Variants in MYT1L observed in about 807,000 individuals in gnomAD.
MYT1L encodes the protein myelin transcription factor 1 like.
MYT1L carries 12 observed loss-of-function variants against 126.7 expected under a neutral mutation model. The ratio of observed to expected loss-of-function variants is 0.09; its 90% CI spans 0.06 to 0.15. MYT1L has a LOEUF of 0.15. Ranked by LOEUF, MYT1L falls within the 10% of genes least tolerant of loss-of-function variation. MYT1L has a pLI of 1.00. For missense variants in MYT1L, 979 were observed against 1,585.2 expected (o/e 0.62, Z 6.49); for synonymous variants, 541 against 604.2 (o/e 0.90, Z 1.53).
At chr2:2,072,577 T>C (rs1423635354) in intron 3 of MYT1L, among the ~76,000 whole-genome samples, 2 of 152,126 alleles carry the variant, frequency 1.3e-5, no homozygotes, top group Non-Finnish European at 2.9e-5. Flanking sequence ...TTTCTCACAG[T>C]TCTGGAGGCT....
intron 3 of MYT1L, among the ~76,000 whole-genome samples, chr2:2,126,528 G>A (rs2081718664): frequency 6.6e-6 from 1 of 152,180 alleles, no homozygotes; most frequent in Non-Finnish European, 1.5e-5. Context: ...CATAGGGTGG[G>A]TAGGGATTGG....
intron 1 of MYT1L, among the ~76,000 whole-genome samples, chr2:2,317,286 G>A (rs563700062): frequency 6.4e-4 from 97 of 152,242 alleles, no homozygotes; most frequent in South Asian, 1.5e-3. Flanking sequence ...CTGCAAAATG[G>A]TGACAAACAA....
At chr2:2,259,787 G>A (rs535793704) in intron 2 of MYT1L, among the ~76,000 whole-genome samples, 1 of 152,294 alleles carries the variant, frequency 6.6e-6, no homozygotes, top group Non-Finnish European at 1.5e-5. Context: ...CTGGGTTGGA[G>A]CCCTGTCAAT....
intron 2 of MYT1L, among the ~76,000 whole-genome samples, chr2:2,175,167 AG>A (rs1182520601): frequency 6.6e-6 from 1 of 152,102 alleles, no homozygotes; most frequent in Non-Finnish European, 1.5e-5. Context: ...TGCTGAAGGA[AG>A]GAAGAACCAA....
chr2:2,223,269 T>TA (rs916285901), intron 2 of MYT1L, among the ~76,000 whole-genome samples: 6 of 152,210 alleles, frequency 3.9e-5, no homozygotes, highest in African/African-American at 7.2e-5. Context: ...TATTAGAATA[T>TA]AAAAAAATTG....
intron 16 of MYT1L, among the ~76,000 whole-genome samples, chr2:1,888,878 A>G (rs1433383616): frequency 6.6e-6 from 1 of 152,204 alleles, no homozygotes; most frequent in Non-Finnish European, 1.5e-5. Flanking sequence ...TAACTATCTA[A>G]GACTCCTATT....
chr2:1,794,055 G>C (rs923415445), intron 23 of MYT1L, among the ~76,000 whole-genome samples: 1 of 152,224 alleles, frequency 6.6e-6, no homozygotes, highest in Non-Finnish European at 1.5e-5. Context: ...ATCTAATCTA[G>C]AATGAGGCGT....
At chr2:2,220,453 A>G (rs1164946760) in intron 2 of MYT1L, among the ~76,000 whole-genome samples, 1 of 152,136 alleles carries the variant, frequency 6.6e-6, no homozygotes. Flanking sequence ...TGTGGAGGCT[A>G]AGGTTCTTTT....
Position 1,980,390 on chromosome 2 carries a change from G to A in MYT1L, c.1-613C>T, listed in dbSNP as rs935565853. On this transcript the variant is annotated intron_variant, in intron 5 of 24. Coordinates refer to ENST00000647738, the MANE Select transcript of MYT1L (RefSeq NM_001303052.2). The stretch of plus-strand genomic sequence containing the variant: ...ACTGAAAGTTTTAATCTGATTAAGC[G>A]GTTAAGACAAGAGGCTGTAGGTACA... Among the ~76,000 whole-genome samples, 8 of 150,798 alleles carry A rather than the reference G, an allele frequency of 5.3e-5. No homozygotes were observed. In the South Asian group the frequency reaches 1.5e-3, roughly 28 times the overall value.
At chr2:1,992,735 G>C (rs949736585) in intron 5 of MYT1L, among the ~76,000 whole-genome samples, 1 of 152,154 alleles carries the variant, frequency 6.6e-6, no homozygotes, top group African/African-American at 2.4e-5. Context: ...AGATGATAAC[G>C]GCCCTTTCCC....
intron 2 of MYT1L, among the ~76,000 whole-genome samples, chr2:2,271,806 A>G (rs764810803): frequency 5.3e-5 from 8 of 152,138 alleles, no homozygotes; most frequent in Non-Finnish European, 1.2e-4. Flanking sequence ...CATGCCCATG[A>G]CCTCATTCCA....
chr2:2,191,303 G>A (rs1232725146), intron 2 of MYT1L, among the ~76,000 whole-genome samples: 1 of 152,222 alleles, frequency 6.6e-6, no homozygotes. Flanking sequence ...CGCAGGAGAG[G>A]ATAACACTGG....
At chr2:1,840,513 G>A (rs2041520515) in intron 20 of MYT1L, among the ~76,000 whole-genome samples, 1 of 152,024 alleles carries the variant, frequency 6.6e-6, no homozygotes, top group Non-Finnish European at 1.5e-5. Flanking sequence ...GGGGATTTGG[G>A]TTACATGGAA....
In MYT1L at chr2:1,789,587, A is replaced by G. The variant is rs900936266; in HGVS notation, c.*2280T>C. 2 of 152,242 alleles carry G rather than the reference A, an allele frequency of 1.3e-5. No homozygotes were observed. The highest frequency in any genetic ancestry group is 4.8e-5 in the African/African-American group (2 of 41,464). 9.4% of individuals were successfully genotyped at this position (152,242 alleles called of 1,614,324 possible). On this transcript the variant is annotated 3_prime_UTR_variant, in exon 25 of 25. Coordinates refer to ENST00000647738, the MANE Select transcript of MYT1L (RefSeq NM_001303052.2). ...TTTCCATTGTACATAGGTGATAACA[A>G]TAAGAATCCAAAACTGATACTATCT...
At chr2:2,182,000 T>C (rs1041055498) in intron 2 of MYT1L, among the ~76,000 whole-genome samples, 2 of 152,110 alleles carry the variant, frequency 1.3e-5, no homozygotes, top group African/African-American at 4.8e-5. Context: ...CATTGACAAG[T>C]GTCCACCCTG....
At chr2:2,097,036 C>A (rs1361613326) in intron 3 of MYT1L, among the ~76,000 whole-genome samples, 1 of 152,162 alleles carries the variant, frequency 6.6e-6, no homozygotes, top group African/African-American at 2.4e-5. Flanking sequence ...AACCTCTGTT[C>A]TGCCACCTCT....
intron 4 of MYT1L, among the ~76,000 whole-genome samples, chr2:2,003,951 C>T (rs1438819646): frequency 1.3e-5 from 2 of 151,148 alleles, no homozygotes; most frequent in East Asian, 3.9e-4. Flanking sequence ...GAGTTCTTTC[C>T]TGCATGCGTT....
chr2:1,809,239 G>T, intron 21 of MYT1L, 72 bp from the exon 22 acceptor site: 4 of 1,413,652 alleles, frequency 2.8e-6, no homozygotes, highest in Non-Finnish European at 4.0e-6. Context: ...GTGGTGGTAA[G>T]CAAGGCGTAG....
At chr2:2,040,981 G>C (rs893417609) in intron 4 of MYT1L, among the ~76,000 whole-genome samples, 1 of 152,102 alleles carries the variant, frequency 6.6e-6, no homozygotes, top group Non-Finnish European at 1.5e-5. Flanking sequence ...AGAGAAACAG[G>C]ACAACTCATG....
Sources: gnomAD v4.1 joint callset for allele counts (sites outside exome capture counted in the v4.1 genomes callset) on GRCh38, gnomAD v4.1.1 for gene constraint, MANE v1.5 for transcripts, NCBI Gene and HGNC (gene_info 2026-07-23, HGNC 2026-07-21) for gene names.